Variants in SLC30A9 observed in about 807,000 individuals in gnomAD.
SLC30A9 encodes the protein proton-coupled zinc antiporter SLC30A9, mitochondrial.
Under a neutral mutation model 87.5 loss-of-function variants are expected in SLC30A9, and 58 were observed. That is an observed-to-expected ratio of 0.66 (90% CI 0.54 to 0.82). The LOEUF is 0.82. Among genes scored for constraint, SLC30A9 ranks in the 40% least tolerant of loss-of-function variants. The pLI is 0.00. For missense variants in SLC30A9, 557 were observed against 679.1 expected (o/e 0.82, Z 2.00); for synonymous variants, 234 against 233.0 (o/e 1.00, Z -0.04).
intron 8 of SLC30A9, among the ~76,000 whole-genome samples, chr4:42,039,937 A>G (rs1362121270): frequency 6.6e-6 from 1 of 152,246 alleles, no homozygotes; most frequent in East Asian, 1.9e-4. Context: ...ATGAAAATAT[A>G]AAGATATAAT....
rs947671141 is a variant in SLC30A9, at chr4:42,054,218, C to T, written c.840+4739C>T. ...TAAAAATACAAAAACATTAGCTGAG[C>T]GTGGTGGTACATGCCTGTAATCCCA... On this transcript the variant is annotated intron_variant, in intron 9 of 17. Coordinates refer to ENST00000264451, the MANE Select transcript of SLC30A9 (RefSeq NM_006345.4). 5.3e-5 allele frequency among the ~76,000 whole-genome samples: 8 copies of T among 152,090 alleles called. No individual in the cohort carries two copies. The East Asian group carries it at 1.4e-3, about 26-fold the overall frequency.
intron 8 of SLC30A9, among the ~76,000 whole-genome samples, chr4:42,041,846 C>T (rs1214945195): frequency 6.6e-6 from 1 of 152,166 alleles, no homozygotes; most frequent in Non-Finnish European, 1.5e-5. Context: ...TCTGCATTTC[C>T]AGCTGAGGTA....
chr4:42,002,068 A>G (rs1715009033), intron 2 of SLC30A9, among the ~76,000 whole-genome samples: 1 of 151,854 alleles, frequency 6.6e-6, no homozygotes, highest in African/African-American at 2.4e-5. Context: ...ATATGTAGTT[A>G]TGTCCTTTTT....
rs1382697506 is a variant in SLC30A9, at chr4:42,087,089, G to A, written c.*963G>A. The A allele has an allele frequency of 6.6e-6, 1 of 152,114 alleles. No homozygotes were observed. Among genetic ancestry groups the A allele is most frequent in the Non-Finnish European group, 1.5e-5 (1 of 68,018 alleles). 9.4% of individuals were successfully genotyped at this position (152,114 alleles called of 1,614,324 possible). ...TATTTCTTGCTTTAAGAGAGAGACA[G>A]AATCTCTCACTGAAACTCATGGTCA... On this transcript the variant is annotated 3_prime_UTR_variant, in exon 18 of 18. Transcript: ENST00000264451.
intron 8 of SLC30A9, among the ~76,000 whole-genome samples, chr4:42,039,512 G>A (rs1370220328): frequency 6.6e-6 from 1 of 150,916 alleles, no homozygotes; most frequent in African/African-American, 2.4e-5. Context: ...CGCCAGGCTG[G>A]AGTGCAGTGG....
intron 6 of SLC30A9, among the ~76,000 whole-genome samples, chr4:42,031,248 A>G (rs1716421753): frequency 6.6e-6 from 1 of 152,172 alleles, no homozygotes; most frequent in Admixed American, 6.5e-5. Context: ...ACAATGGACA[A>G]TAAAAGAATG....
intron 9 of SLC30A9, among the ~76,000 whole-genome samples, chr4:42,053,584 G>T (rs1263831489): frequency 1.3e-5 from 2 of 151,048 alleles, no homozygotes; most frequent in Non-Finnish European, 2.9e-5. Context: ...AGCTACTCGG[G>T]AGGCTAAGGC....
chr4:42,077,865 T>G (rs1718615974), intron 16 of SLC30A9, among the ~76,000 whole-genome samples: 1 of 152,142 alleles, frequency 6.6e-6, no homozygotes, highest in South Asian at 2.1e-4. Context: ...TCTAGTAGTT[T>G]TGTGGTTTGT....
intron 4 of SLC30A9, 128 bp from the exon 5 acceptor site, chr4:42,022,710 C>A (rs1716024702): frequency 2.1e-6 from 1 of 480,408 alleles, no homozygotes; most frequent in South Asian, 5.2e-5. Context: ...CTTTAAAAGC[C>A]ATTCACATCA....
At chr4:42,023,594 G>A (rs1048233783) in intron 6 of SLC30A9, among the ~76,000 whole-genome samples, 2 of 152,144 alleles carry the variant, frequency 1.3e-5, no homozygotes, top group Non-Finnish European at 2.9e-5. Flanking sequence ...AAGATGATGA[G>A]AGGAAGAGAA....
Position 41,990,763 on chromosome 4 carries a change from G to A in SLC30A9, c.109+3G>A. The A allele has an allele frequency of 6.2e-7, 1 of 1,605,976 alleles. No homozygotes were observed. Among genetic ancestry groups the A allele is most frequent in the Non-Finnish European group, 8.5e-7 (1 of 1,175,476 alleles). On this transcript the variant is annotated splice_donor_region_variant and intron_variant, in intron 1 of 17. Coordinates refer to ENST00000264451, the MANE Select transcript of SLC30A9 (RefSeq NM_006345.4). ...CTGTAATCCCAGCGACCGCCAGGGT[G>A]AGTGTCCCGCGCTGGCCGCTGGCTC... is the stretch of plus-strand genomic sequence containing the variant.
intron 6 of SLC30A9, among the ~76,000 whole-genome samples, chr4:42,033,523 AT>A: frequency 6.6e-6 from 1 of 152,240 alleles, no homozygotes; most frequent in Non-Finnish European, 1.5e-5. Flanking sequence ...AAACGTACAC[AT>A]TTGTATTAAA....
At chr4:42,047,902 A>G (rs1007441532) in intron 8 of SLC30A9, among the ~76,000 whole-genome samples, 2 of 152,350 alleles carry the variant, frequency 1.3e-5, no homozygotes, top group East Asian at 1.9e-4. Flanking sequence ...CAGCCATAAA[A>G]AAGGATGAGT....
intron 2 of SLC30A9, 33 bp downstream of exon 2, chr4:42,001,813 G>A (rs1344174264): frequency 6.7e-7 from 1 of 1,493,686 alleles, no homozygotes; most frequent in Non-Finnish European, 9.2e-7. Flanking sequence ...ACTTTTTTCT[G>A]TATACTGGAA....
intron 2 of SLC30A9, among the ~76,000 whole-genome samples, chr4:42,015,207 A>T (rs1203635541): frequency 2.0e-5 from 3 of 152,200 alleles, no homozygotes. Context: ...TTAAAATATA[A>T]AAGCAAATTT....
chr4:42,049,605 A>T (rs1340435386), intron 9 of SLC30A9, 126 bp downstream of exon 9: 1 of 473,794 alleles, frequency 2.1e-6, no homozygotes, highest in Non-Finnish European at 3.7e-6. Context: ...ATAAAAGTTT[A>T]CTTTTCAGCA....
chr4:42,052,076 TA>T (rs1286249785), intron 9 of SLC30A9, among the ~76,000 whole-genome samples: 3 of 151,736 alleles, frequency 2.0e-5, no homozygotes, highest in African/African-American at 7.3e-5. Context: ...TCAAAATCAG[TA>T]AGTATAGAAG....
At chr4:42,052,332 C>T (rs747791304) in intron 9 of SLC30A9, among the ~76,000 whole-genome samples, 3 of 152,120 alleles carry the variant, frequency 2.0e-5, no homozygotes, top group Non-Finnish European at 2.9e-5. Context: ...GTCAAATCTC[C>T]CTAAATTGAT....
At position 42,035,270 on chromosome 4, in the gene SLC30A9, T is replaced by TA; in HGVS notation, c.611-4dup. On this transcript the variant is annotated splice_region_variant and splice_polypyrimidine_tract_variant and intron_variant, in intron 6 of 17. Coordinates refer to ENST00000264451, the MANE Select transcript of SLC30A9 (RefSeq NM_006345.4). Reference sequence around the variant, plus strand: ...TGACCTAAATTTATTTTGTTATTCTTACAGGGCTATTTAGAAACCAAAAAA... The same window carrying TA: ...TGACCTAAATTTATTTTGTTATTCTTAACAGGGCTATTTAGAAACCAAAAAA... 6.3e-7 allele frequency: 1 copy of TA among 1,595,170 alleles called. No homozygotes were observed. The highest frequency in any genetic ancestry group is 1.3e-5 in the African/African-American group (1 of 74,640).
Sources: gnomAD v4.1 joint callset for allele counts (sites outside exome capture counted in the v4.1 genomes callset) on GRCh38, gnomAD v4.1.1 for gene constraint, MANE v1.5 for transcripts, NCBI Gene and HGNC (gene_info 2026-07-23, HGNC 2026-07-21) for gene names.